TRMT11: variants seen among roughly 807,000 people sequenced by gnomAD.
TRMT11 encodes the protein tRNA (guanine(10)-N(2))-methyltransferase TRMT11.
TRMT11 carries 53 observed loss-of-function variants against 62.8 expected under a neutral mutation model. That is an observed-to-expected ratio of 0.84 (90% CI 0.68 to 1.06). The LOEUF is 1.06. Ranked by LOEUF, TRMT11 falls within the 50% of genes least tolerant of loss-of-function variation. The pLI, the probability that TRMT11 is intolerant of heterozygous loss-of-function variation, is 0.00. For missense variants in TRMT11, 556 were observed against 553.4 expected, an observed-to-expected ratio of 1.00 and a Z score of -0.05; for synonymous variants, 188 against 190.3, an observed-to-expected ratio of 0.99 and a Z score of 0.10.
chr6:126,089,258 C>T (rs575390376), intron 17 of TRMT11, among the ~76,000 whole-genome samples: 28 of 151,810 alleles, frequency 1.8e-4, no homozygotes, highest in South Asian at 8.3e-4. Context: ...GGATTACAGG[C>T]GCCTGCCACC....
At position 126,200,551 on chromosome 6, in the gene TRMT11, C is replaced by CATT. The variant is rs199980743; in HGVS notation, n.371+663_371+665dup. On this transcript the variant is annotated intron_variant and non_coding_transcript_variant, in intron 3 of 3. Coordinates refer to the TRMT11 transcript ENST00000444229. ...TCTCCATCCTAGTCCAACATGCATTCATTATTATTATTATGTTTTTGAGAC... is the reference window on the plus strand; with the variant it reads ...TCTCCATCCTAGTCCAACATGCATTCATTATTATTATTATTATGTTTTTGAGAC... Among the ~76,000 whole-genome samples the CATT allele has an allele frequency of 1.8e-3, 277 of 152,164 alleles. 1 individual carries two copies. The highest frequency in any genetic ancestry group is 4.1e-3 in the Admixed American group (63 of 15,280).
chr6:126,191,962 G>GT (rs1243618046), intron 1 of TRMT11, among the ~76,000 whole-genome samples: 1 of 151,844 alleles, frequency 6.6e-6, no homozygotes, highest in African/African-American at 2.4e-5. Context: ...AATTTTAGAA[G>GT]TTTTTTTCTA....
chr6:126,208,769 A>G (rs1011675529), downstream of TRMT11, among the ~76,000 whole-genome samples: 1 of 152,256 alleles, frequency 6.6e-6, no homozygotes, highest in Non-Finnish European at 1.5e-5. Flanking sequence ...GTTGTTGTGT[A>G]ATGGAGGCTG....
At position 126,121,077 on chromosome 6, in the gene TRMT11, C is replaced by T. The variant is rs926810078; in HGVS notation, c.*1823+5222C>T. On this transcript the variant is annotated intron_variant and NMD_transcript_variant, in intron 21 of 22. Coordinates refer to the TRMT11 transcript ENST00000648977. ...TACTATTGCCCCCAATTGGTGTGAT[C>T]TCCCCATCCTTTGAACTTCCATGGC... 1.1e-4 allele frequency among the ~76,000 whole-genome samples: 16 copies of T among 152,052 alleles called. 1 individual carries two copies. The highest frequency in any genetic ancestry group is 2.9e-5 in the Non-Finnish European group (2 of 67,982).
At chr6:126,056,408 G>A (rs549789179) in intron 17 of TRMT11, among the ~76,000 whole-genome samples, 1 of 152,242 alleles carries the variant, frequency 6.6e-6, no homozygotes, top group African/African-American at 2.4e-5. Flanking sequence ...CAATAGGGAA[G>A]GATAAAAGGT....
intron 1 of TRMT11, among the ~76,000 whole-genome samples, chr6:126,190,644 C>G (rs951773359): frequency 6.6e-6 from 1 of 152,194 alleles, no homozygotes; most frequent in Admixed American, 6.5e-5. Flanking sequence ...GTCTCCACCT[C>G]CATGAGATCT....
At chr6:126,138,111 T>G (rs2128212159) in intron 21 of TRMT11, among the ~76,000 whole-genome samples, 1 of 152,006 alleles carries the variant, frequency 6.6e-6, no homozygotes, top group Non-Finnish European at 1.5e-5. Context: ...AAAAGAAGAA[T>G]TATAATGTTC....
At chr6:126,254,364 T>C in the TRMT11 span, among the ~76,000 whole-genome samples, 2 of 152,222 alleles carry the variant, frequency 1.3e-5, no homozygotes, top group Non-Finnish European at 2.9e-5. Flanking sequence ...ATACTTGTTA[T>C]CAGTTTTCAA....
At chr6:126,129,075 C>G (rs12215582) in intron 21 of TRMT11, among the ~76,000 whole-genome samples, 28,035 of 151,884 alleles carry the variant, frequency 0.18, 2,689 homozygotes, top group South Asian at 0.22. Context: ...AAGCACCAAG[C>G]CTTTCTGGTC....
At chr6:126,073,307 C>T (rs1300973916) in intron 17 of TRMT11, among the ~76,000 whole-genome samples, 1 of 152,168 alleles carries the variant, frequency 6.6e-6, no homozygotes, top group Non-Finnish European at 1.5e-5. Flanking sequence ...CTCTGCTCTC[C>T]TTATGACTAC....
At chr6:126,161,649 A>G (rs924625121) in intron 21 of TRMT11, among the ~76,000 whole-genome samples, 52 of 152,170 alleles carry the variant, frequency 3.4e-4, no homozygotes, top group African/African-American at 1.2e-3. Flanking sequence ...TCCTTGAGGA[A>G]TTGCCACTCT....
At chr6:126,008,673 G>C in intron 8 of TRMT11, 1 of 695,842 alleles carries the variant, frequency 1.4e-6, no homozygotes. Context: ...CAACATGAAG[G>C]TGATGAGGAT....
At chr6:125,998,162 G>A (rs773542349) in intron 4 of TRMT11, 28 bp downstream of exon 4, 1 of 1,598,954 alleles carries the variant, frequency 6.3e-7, no homozygotes. Context: ...GTTTTATATA[G>A]GCATGCGTGC....
intron 7 of TRMT11, among the ~76,000 whole-genome samples, chr6:126,004,452 G>A (rs935395399): frequency 1.3e-5 from 2 of 151,988 alleles, no homozygotes; most frequent in Non-Finnish European, 2.9e-5. Flanking sequence ...ATAGCTTTAG[G>A]ACATCAGTCA....
At chr6:126,240,622 G>T in the TRMT11 span, among the ~76,000 whole-genome samples, 217 of 152,302 alleles carry the variant, frequency 1.4e-3, no homozygotes, top group Non-Finnish European at 2.3e-3. Flanking sequence ...TGCCCCTACT[G>T]GGGGGTGCCT....
intron 8 of TRMT11, among the ~76,000 whole-genome samples, chr6:126,009,715 T>A (rs773529813): frequency 1.3e-5 from 2 of 152,090 alleles, no homozygotes; most frequent in Non-Finnish European, 2.9e-5. Context: ...ATAAATGGGC[T>A]AGCAAGAAAA....
intron 17 of TRMT11, among the ~76,000 whole-genome samples, chr6:126,093,632 T>TATATATATATATATATATATATATA (rs1777307371): frequency 6.8e-5 from 6 of 87,876 alleles, no homozygotes; most frequent in Admixed American, 2.3e-4. Context: ...TATATATATA[T>TATATATATATATATATATATATATA]TTTCCCCCAG....
intron 17 of TRMT11, among the ~76,000 whole-genome samples, chr6:126,098,628 CTT>C (rs1777364656): frequency 6.6e-6 from 1 of 152,110 alleles, no homozygotes. Context: ...TCTTTATTCT[CTT>C]GTTAGAAATC....
At chr6:126,018,527 A>G (rs1044204402) in intron 11 of TRMT11, among the ~76,000 whole-genome samples, 2 of 152,046 alleles carry the variant, frequency 1.3e-5, no homozygotes, top group Admixed American at 1.3e-4. Flanking sequence ...AACGTATACA[A>G]CTTCATGGTT....
Sources: gnomAD v4.1 joint callset for allele counts (sites outside exome capture counted in the v4.1 genomes callset) on GRCh38, gnomAD v4.1.1 for gene constraint, MANE v1.5 for transcripts, NCBI Gene and HGNC (gene_info 2026-07-23, HGNC 2026-07-21) for gene names.